Variants in CDH18 observed in about 807,000 individuals in gnomAD.
The protein encoded by CDH18 is cadherin-18.
CDH18 carries 31 observed loss-of-function variants against 67.9 expected under a neutral mutation model. That is an observed-to-expected ratio of 0.46 (90% CI 0.34 to 0.62). CDH18 has a LOEUF of 0.62. CDH18 is among the 20% of genes least tolerant of loss of function. The pLI is 0.01. For synonymous variants in CDH18, 362 were observed against 347.2 expected (o/e 1.04, Z -0.48); for missense variants, 890 against 975.5 (o/e 0.91, Z 1.17).
At chr5:19,559,175 G>A (rs1345995111) in intron 8 of CDH18, among the ~76,000 whole-genome samples, 1 of 151,928 alleles carries the variant, frequency 6.6e-6, no homozygotes, top group Non-Finnish European at 1.5e-5. Flanking sequence ...TGTACTGTGT[G>A]TTTTTTGTTT....
At chr5:20,150,288 G>A (rs1751000241) in intron 2 of CDH18, among the ~76,000 whole-genome samples, 1 of 152,028 alleles carries the variant, frequency 6.6e-6, no homozygotes, top group Non-Finnish European at 1.5e-5. Context: ...GGAAACAACA[G>A]TCTAATTTTG....
chr5:19,924,680 T>C (rs1792900509), intron 2 of CDH18, among the ~76,000 whole-genome samples: 1 of 152,102 alleles, frequency 6.6e-6, no homozygotes, highest in Non-Finnish European at 1.5e-5. Flanking sequence ...TTTTGACTAA[T>C]AGGACATTAG....
At chr5:19,609,693 A>G (rs1160168627) in intron 6 of CDH18, among the ~76,000 whole-genome samples, 1 of 152,046 alleles carries the variant, frequency 6.6e-6, no homozygotes, top group Non-Finnish European at 1.5e-5. Context: ...CAAAATTTGT[A>G]GTTAGGGATG....
chr5:19,927,402 C>G (rs1234737921), intron 2 of CDH18, among the ~76,000 whole-genome samples: 1 of 152,052 alleles, frequency 6.6e-6, no homozygotes, highest in Admixed American at 6.6e-5. Context: ...GGTTACGCAA[C>G]CTGCCAAATT....
chr5:19,741,328 T>TCACA (rs1491498918), intron 4 of CDH18, among the ~76,000 whole-genome samples: 248 of 38,256 alleles, frequency 6.5e-3, no homozygotes, highest in African/African-American at 0.012. Flanking sequence ...TATATACATG[T>TCACA]CTCACACACA....
At chr5:20,081,141 T>G (rs1744433860) in intron 2 of CDH18, among the ~76,000 whole-genome samples, 1 of 109,594 alleles carries the variant, frequency 9.1e-6, no homozygotes, top group Non-Finnish European at 1.8e-5. Context: ...CATAGGATAA[T>G]GATTTGTATC....
chr5:19,757,285 T>C (rs1262302790), intron 3 of CDH18, among the ~76,000 whole-genome samples: 5 of 152,210 alleles, frequency 3.3e-5, no homozygotes, highest in South Asian at 2.1e-4. Flanking sequence ...GACCAACCTC[T>C]GACCTTTCCA....
intron 1 of CDH18, among the ~76,000 whole-genome samples, chr5:20,470,205 C>G (rs1751949194): frequency 6.6e-6 from 1 of 152,086 alleles, no homozygotes; most frequent in African/African-American, 2.4e-5. Flanking sequence ...CCATCAAAAT[C>G]AAGCATACAT....
intron 1 of CDH18, among the ~76,000 whole-genome samples, chr5:20,260,654 A>T (rs966489524): frequency 1.6e-4 from 24 of 152,132 alleles, no homozygotes; most frequent in African/African-American, 5.8e-4. Flanking sequence ...TGTGGGTAGG[A>T]TCTAAGAATA....
intron 1 of CDH18, among the ~76,000 whole-genome samples, chr5:20,294,907 T>G (rs996307939): frequency 5.3e-5 from 8 of 152,194 alleles, no homozygotes; most frequent in African/African-American, 1.9e-4. Context: ...TGACTCAGTA[T>G]AGTCACTTAA....
chr5:20,552,860 T>G (rs1339921865), intron 1 of CDH18, among the ~76,000 whole-genome samples: 3 of 152,096 alleles, frequency 2.0e-5, no homozygotes, highest in Non-Finnish European at 4.4e-5. Flanking sequence ...GTTCAAGCAA[T>G]TCTCCTGTCT....
chr5:20,286,017 CA>C (rs1232353804), intron 1 of CDH18, among the ~76,000 whole-genome samples: 3 of 151,562 alleles, frequency 2.0e-5, no homozygotes, highest in East Asian at 1.9e-4. Context: ...AACAAAGGCT[CA>C]TTTTTTTTAA....
At chr5:20,028,036 A>G (rs903809384) in intron 2 of CDH18, among the ~76,000 whole-genome samples, 6 of 152,166 alleles carry the variant, frequency 3.9e-5, no homozygotes, top group Non-Finnish European at 7.4e-5. Flanking sequence ...ACTTAATTTT[A>G]CACATATAAA....
In CDH18 at chr5:19,626,424, G is replaced by C. The variant is rs184763317; in HGVS notation, c.644-13823C>G. Among the ~76,000 whole-genome samples, 3 of 152,300 alleles carry C rather than the reference G, an allele frequency of 2.0e-5. No homozygotes were observed. The East Asian group carries it at 5.8e-4, about 30-fold the overall frequency. On this transcript the variant is annotated intron_variant, in intron 5 of 12. Coordinates refer to ENST00000382275, the MANE Select transcript of CDH18 (RefSeq NM_004934.5). ...CTTTTGTGTGGGTTCCCTAAGGATA[G>C]AGGTTAACCAAGTGTGAGATCATGA... is the stretch of plus-strand genomic sequence containing the variant.
intron 1 of CDH18, among the ~76,000 whole-genome samples, chr5:20,435,210 G>A (rs559803010): frequency 4.9e-4 from 75 of 152,110 alleles, no homozygotes; most frequent in Non-Finnish European, 9.6e-4. Context: ...ATTCAAGGCA[G>A]CTGAGTGTGT....
intron 1 of CDH18, among the ~76,000 whole-genome samples, chr5:20,408,902 A>G (rs1746527310): frequency 6.6e-6 from 1 of 151,848 alleles, no homozygotes; most frequent in Admixed American, 6.6e-5. Context: ...TAATTAAAAC[A>G]AAGAAAGCTA....
chr5:20,115,962 C>A (rs564235329), intron 2 of CDH18, among the ~76,000 whole-genome samples: 1 of 152,234 alleles, frequency 6.6e-6, no homozygotes, highest in Non-Finnish European at 1.5e-5. Context: ...AGTACTGAAT[C>A]CAGTAAGTAT....
At chr5:20,042,646 T>C (rs1740531746) in intron 2 of CDH18, among the ~76,000 whole-genome samples, 3 of 152,316 alleles carry the variant, frequency 2.0e-5, no homozygotes, top group Admixed American at 6.5e-5. Flanking sequence ...GCAAACCTCA[T>C]TTCCACCAAT....
chr5:19,888,020 GTA>G (rs1482161191), intron 2 of CDH18, among the ~76,000 whole-genome samples: 1 of 152,106 alleles, frequency 6.6e-6, no homozygotes, highest in Admixed American at 6.6e-5. Context: ...TTATATGGCA[GTA>G]TTTGTATAGG....
Sources: allele counts gnomAD v4.1 joint callset (sites outside exome capture counted in the v4.1 genomes callset), GRCh38; gene constraint gnomAD v4.1.1; transcripts MANE v1.5; gene names NCBI Gene and HGNC (gene_info 2026-07-23, HGNC 2026-07-21).